The following SPATS2L variants were observed in gnomAD, a reference collection of about 807,000 sequenced individuals.
The protein encoded by SPATS2L is SPATS2-like protein.
A neutral mutation model predicts 59.6 loss-of-function variants in SPATS2L; 30 were observed. The ratio of observed to expected loss-of-function variants is 0.50; its 90% CI spans 0.38 to 0.68. SPATS2L has a LOEUF of 0.68. Among genes scored for constraint, SPATS2L ranks in the 30% least tolerant of loss-of-function variants. The pLI is 0.00. For missense variants in SPATS2L, 615 were observed against 700.0 expected, an observed-to-expected ratio of 0.88 and a Z score of 1.37; for synonymous variants, 252 against 263.5, an observed-to-expected ratio of 0.96 and a Z score of 0.42.
At chr2:200,375,488 A>G (rs897243287) in intron 2 of SPATS2L, among the ~76,000 whole-genome samples, 3 of 152,170 alleles carry the variant, frequency 2.0e-5, no homozygotes, top group Non-Finnish European at 4.4e-5. Flanking sequence ...ATGATATAGA[A>G]GGTTTGGGTG....
chr2:200,477,515 T>TAAAAAAAAAAAAAAAAAAA lies in SPATS2L; in HGVS notation c.1282-116_1282-98dup, dbSNP rs59073895. 2.6e-4 allele frequency: 80 copies of TAAAAAAAAAAAAAAAAAAA among 302,680 alleles called. 7 individuals are homozygous for TAAAAAAAAAAAAAAAAAAA. Among genetic ancestry groups the TAAAAAAAAAAAAAAAAAAA allele is most frequent in the African/African-American group, 2.5e-3 (57 of 23,104 alleles). The allele number at this position is 302,680 out of a possible 1,614,324, so 18.7% of individuals were successfully genotyped here. A position where few individuals can be genotyped will look rare whatever the true frequency, so the allele number is the denominator to read the frequency against. On this transcript the variant is annotated intron_variant, in intron 12 of 12. Transcript: ENST00000409140. Reference sequence around the variant, plus strand: ...CATGTTTTCTGATTCTTCTGGTGTATAAAAAAAAAAAAAAAAAAAAAAAGC... The same window carrying TAAAAAAAAAAAAAAAAAAA: ...CATGTTTTCTGATTCTTCTGGTGTATAAAAAAAAAAAAAAAAAAAAAAAAAAAAAAAAAAAAAAAAAAGC...
rs2079118596 is a variant in SPATS2L, at chr2:200,309,149, T to A, written c.-73+2227T>A. The A allele has an allele frequency of 8.4e-6, 6 of 717,344 alleles. No homozygotes were observed. In the South Asian group the frequency reaches 8.9e-5, roughly 11 times the overall value. 44.4% of individuals were successfully genotyped at this position (717,344 alleles called of 1,614,324 possible). On this transcript the variant is annotated intron_variant, in intron 1 of 12. Coordinates refer to ENST00000409140, the MANE Select transcript of SPATS2L (RefSeq NM_001100423.2). ...TTTAGAAATATCTCACTTTGGGGCC[T>A]AATTTTTGTGAGTTTCTCAGTCTGC...
intron 2 of SPATS2L, among the ~76,000 whole-genome samples, chr2:200,342,450 G>T (rs1385098070): frequency 1.3e-5 from 2 of 152,228 alleles, no homozygotes; most frequent in Non-Finnish European, 2.9e-5. Context: ...TTACAGGGGA[G>T]TGAAGCCTTC....
At chr2:200,447,382 C>T (rs367643180) in intron 8 of SPATS2L, among the ~76,000 whole-genome samples, 337 of 152,342 alleles carry the variant, frequency 2.2e-3, no homozygotes, top group African/African-American at 7.7e-3. Context: ...ACATATCTTA[C>T]GGTGCCGTAG....
intron 2 of SPATS2L, among the ~76,000 whole-genome samples, chr2:200,366,127 T>C (rs2081261399): frequency 6.6e-6 from 1 of 152,198 alleles, no homozygotes; most frequent in Non-Finnish European, 1.5e-5. Context: ...ATGAACATAT[T>C]GGGATTCTAA....
At chr2:200,308,019 C>G (rs919198701) in intron 1 of SPATS2L, among the ~76,000 whole-genome samples, 4 of 150,072 alleles carry the variant, frequency 2.7e-5, no homozygotes, top group African/African-American at 9.8e-5. Context: ...AGCCGACAGA[C>G]TTTAAGACAA....
chr2:200,366,265 C>T (rs972594372), intron 2 of SPATS2L, among the ~76,000 whole-genome samples: 1 of 152,212 alleles, frequency 6.6e-6, no homozygotes, highest in Non-Finnish European at 1.5e-5. Context: ...CATACATTAA[C>T]AGTCAACAGA....
chr2:200,365,438 C>T (rs1035312100), intron 2 of SPATS2L, among the ~76,000 whole-genome samples: 1 of 152,108 alleles, frequency 6.6e-6, no homozygotes, highest in African/African-American at 2.4e-5. Flanking sequence ...CTACACAGGA[C>T]TTCTCAGTTG....
intron 2 of SPATS2L, among the ~76,000 whole-genome samples, chr2:200,377,616 G>C (rs1317640637): frequency 6.6e-6 from 1 of 152,130 alleles, no homozygotes; most frequent in Non-Finnish European, 1.5e-5. Context: ...TCTCCACTCT[G>C]CCCCAAATGT....
Position 200,419,412 on chromosome 2 carries a change from G to C in SPATS2L, c.361G>C (p.Ala121Pro). 1 of 1,613,720 alleles carries C rather than the reference G, an allele frequency of 6.2e-7. No homozygotes were observed. Among genetic ancestry groups the C allele is most frequent in the Non-Finnish European group, 8.5e-7 (1 of 1,179,804 alleles). Residue 121 changes from alanine to proline, a missense_variant, in exon 6 of 13, where the codon GCT (alanine) becomes CCT (proline). Ala to Pro is a conservative substitution (Grantham distance 27). This residue lies in a region of SPATS2L where 227 missense variants were observed against 257.4 expected (regional missense o/e 0.88). Coordinates refer to ENST00000409140, the MANE Select transcript of SPATS2L (RefSeq NM_001100423.2). ...CEKDSSSTDS[A>P]NEKPALIPRE... The stretch of plus-strand genomic sequence containing the variant: ...GAAGGACAGCTCGTCCACAGATTCT[G>C]CTAACGAAAAACCAGCCCTTATCCC...
chr2:200,396,581 T>G (rs184283185), intron 3 of SPATS2L, among the ~76,000 whole-genome samples: 1 of 152,306 alleles, frequency 6.6e-6, no homozygotes, highest in East Asian at 1.9e-4. Context: ...AATCTTTATG[T>G]GGGGTGGAGT....
chr2:200,323,635 C>T (rs1402350557), intron 1 of SPATS2L, among the ~76,000 whole-genome samples: 1 of 152,100 alleles, frequency 6.6e-6, no homozygotes, highest in Non-Finnish European at 1.5e-5. Flanking sequence ...AGTTTGGATG[C>T]TCACACCCAG....
intron 2 of SPATS2L, among the ~76,000 whole-genome samples, chr2:200,376,521 C>T (rs1362187982): frequency 6.6e-6 from 1 of 152,158 alleles, no homozygotes; most frequent in Non-Finnish European, 1.5e-5. Flanking sequence ...AGCTCCAAGG[C>T]TTTATTTGAA....
At chr2:200,314,767 G>A (rs2079309653) in intron 1 of SPATS2L, among the ~76,000 whole-genome samples, 1 of 152,164 alleles carries the variant, frequency 6.6e-6, no homozygotes, top group South Asian at 2.1e-4. Context: ...TGGCTGTTGG[G>A]CACTGGAAAT....
intron 2 of SPATS2L, among the ~76,000 whole-genome samples, chr2:200,386,104 G>C (rs2081985207): frequency 6.6e-6 from 1 of 152,162 alleles, no homozygotes; most frequent in Non-Finnish European, 1.5e-5. Context: ...TGTGATATTA[G>C]AAACAGTAAG....
intron 6 of SPATS2L, among the ~76,000 whole-genome samples, chr2:200,431,186 G>A (rs1353800287): frequency 6.6e-6 from 1 of 152,182 alleles, no homozygotes; most frequent in Non-Finnish European, 1.5e-5. Context: ...CGGAAAGGTT[G>A]TACTAATCTC....
At chr2:200,353,458 C>T (rs1378597915) in intron 2 of SPATS2L, among the ~76,000 whole-genome samples, 1 of 152,114 alleles carries the variant, frequency 6.6e-6, no homozygotes, top group African/African-American at 2.4e-5. Flanking sequence ...GAAAATAAAC[C>T]TCTCATTTTT....
intron 8 of SPATS2L, among the ~76,000 whole-genome samples, chr2:200,457,215 AACAT>A (rs2085899700): frequency 1.1e-5 from 1 of 93,552 alleles, no homozygotes; most frequent in African/African-American, 4.2e-5. Flanking sequence ...AAATAATGAA[AACAT>A]ACATACACAC....
Position 200,478,133 on chromosome 2 carries a change from C to G in SPATS2L, c.*102C>G. Reference sequence around the variant, plus strand: ...AGTGTCAATCAGAATATACAAATCCCGTATGGTTGTGTCATCCTCTCTTAA... The same window carrying G: ...AGTGTCAATCAGAATATACAAATCCGGTATGGTTGTGTCATCCTCTCTTAA... On this transcript the variant is annotated 3_prime_UTR_variant, in exon 13 of 13. Coordinates refer to ENST00000409140, the MANE Select transcript of SPATS2L (RefSeq NM_001100423.2). 1 of 1,113,028 alleles carries G rather than the reference C, an allele frequency of 9.0e-7. No homozygotes were observed. The highest frequency in any genetic ancestry group is 1.2e-6 in the Non-Finnish European group (1 of 806,128). 68.9% of individuals were successfully genotyped at this position (1,113,028 alleles called of 1,614,324 possible).
Sources: allele counts gnomAD v4.1 joint callset (sites outside exome capture counted in the v4.1 genomes callset), GRCh38; gene constraint gnomAD v4.1.1; regional missense constraint gnomAD v4.1.1; transcripts MANE v1.5; gene names NCBI Gene and HGNC (gene_info 2026-07-23, HGNC 2026-07-21).